The following FOXP2 variants were observed in gnomAD, a reference collection of about 807,000 sequenced individuals.
FOXP2 encodes the protein forkhead box P2, also known as forkhead box protein P2.
FOXP2 carries 12 observed loss-of-function variants against 115.8 expected under a neutral mutation model. The ratio of observed to expected loss-of-function variants is 0.10; its 90% CI spans 0.07 to 0.17. The LOEUF (loss-of-function observed/expected upper bound fraction) is 0.17. FOXP2 is among the 10% of genes least tolerant of loss of function. The probability of loss-of-function intolerance (pLI) is 1.00; values close to 1 mark genes in which losing one functional copy is unlikely to be tolerated. For missense variants in FOXP2, 629 were observed against 843.5 expected, an observed-to-expected ratio of 0.75 and a Z score of 3.15; for synonymous variants, 328 against 297.7, an observed-to-expected ratio of 1.10 and a Z score of -1.05.
chr7:114,251,357 G>A (rs1795436786), intron 1 of FOXP2, among the ~76,000 whole-genome samples: 1 of 152,126 alleles, frequency 6.6e-6, no homozygotes, highest in Non-Finnish European at 1.5e-5. Flanking sequence ...GCTTGATGGG[G>A]ATGACATTGA....
chr7:114,163,519 T>A (rs776928), intron 1 of FOXP2, among the ~76,000 whole-genome samples: 4 of 152,122 alleles, frequency 2.6e-5, no homozygotes. Context: ...AAAAGATACA[T>A]TAATTTCTTT....
Position 114,653,518 on chromosome 7 carries a change from A to C in FOXP2, c.1183-408A>C, listed in dbSNP as rs183437080. 11 of 309,968 alleles carry C rather than the reference A, an allele frequency of 3.5e-5. No individual in the cohort carries two copies. In the East Asian group the frequency reaches 9.0e-4, roughly 25 times the overall value. The allele number at this position is 309,968 out of a possible 1,614,324, so 19.2% of individuals were successfully genotyped here. A position where few individuals can be genotyped will look rare whatever the true frequency, so the allele number is the denominator to read the frequency against. Reference sequence around the variant, plus strand: ...GTGGGAATGCATGAAGTGTGTAGACAATCCTGGCAGGCACTTTGCTTTGAG... The same window carrying C: ...GTGGGAATGCATGAAGTGTGTAGACCATCCTGGCAGGCACTTTGCTTTGAG... On this transcript the variant is annotated intron_variant, in intron 9 of 16. Transcript: ENST00000350908.
At chr7:114,397,377 GAGAA>G (rs1220401051) in intron 2 of FOXP2, among the ~76,000 whole-genome samples, 4 of 152,078 alleles carry the variant, frequency 2.6e-5, no homozygotes, top group South Asian at 2.1e-4. Context: ...TGGAACCTGA[GAGAA>G]AGCAACAGAC....
chr7:114,350,125 G>GTTTTTA (rs1330302122), intron 2 of FOXP2, among the ~76,000 whole-genome samples: 4 of 152,008 alleles, frequency 2.6e-5, no homozygotes, highest in South Asian at 2.1e-4. Flanking sequence ...AAAAATGGAT[G>GTTTTTA]TTTTTATTTT....
chr7:114,645,073 T>C (rs1200339031), intron 8 of FOXP2: 1 of 184,258 alleles, frequency 5.4e-6, no homozygotes, highest in Non-Finnish European at 1.1e-5. Context: ...GAACTATTTA[T>C]AAAATAGAAT....
chr7:114,652,397 T>A, intron 9 of FOXP2, 107 bp downstream of exon 9: 1 of 897,298 alleles, frequency 1.1e-6, no homozygotes, highest in Non-Finnish European at 1.8e-6. Flanking sequence ...GTCTTAGCCA[T>A]TCAATACTAA....
intron 2 of FOXP2, among the ~76,000 whole-genome samples, chr7:114,367,756 G>T (rs183059061): frequency 6.6e-6 from 1 of 152,168 alleles, no homozygotes; most frequent in East Asian, 1.9e-4. Flanking sequence ...TTTCTCTAAA[G>T]CTAGCATTTC....
chr7:114,186,119 A>T (rs528825057), intron 1 of FOXP2, among the ~76,000 whole-genome samples: 1 of 152,234 alleles, frequency 6.6e-6, no homozygotes, highest in Admixed American at 6.5e-5. Context: ...TGGCAACTGA[A>T]TTTTAGCATG....
chr7:114,403,347 T>C (rs1306371223), intron 2 of FOXP2, among the ~76,000 whole-genome samples: 1 of 152,228 alleles, frequency 6.6e-6, no homozygotes, highest in Admixed American at 6.5e-5. Context: ...TCAGAATTGA[T>C]ATGAGATTGT....
At chr7:114,212,292 C>A (rs1794379011) in intron 1 of FOXP2, among the ~76,000 whole-genome samples, 1 of 151,720 alleles carries the variant, frequency 6.6e-6, no homozygotes, top group Non-Finnish European at 1.5e-5. Context: ...TATTATTGAA[C>A]TGACATTTTA....
At chr7:114,301,058 G>T (rs1425268874) in intron 2 of FOXP2, among the ~76,000 whole-genome samples, 1 of 151,924 alleles carries the variant, frequency 6.6e-6, no homozygotes, top group Non-Finnish European at 1.5e-5. Flanking sequence ...TAATGTAAAT[G>T]ATTGATATGC....
At chr7:114,345,085 T>A (rs974206816) in intron 2 of FOXP2, among the ~76,000 whole-genome samples, 5 of 151,876 alleles carry the variant, frequency 3.3e-5, no homozygotes, top group Non-Finnish European at 2.9e-5. Context: ...ACAATTTTTT[T>A]ATTTCTTTTT....
At chr7:114,589,769 C>G (rs540563801) in intron 3 of FOXP2, among the ~76,000 whole-genome samples, 2 of 152,194 alleles carry the variant, frequency 1.3e-5, no homozygotes, top group South Asian at 4.1e-4. Flanking sequence ...CACCCTTTGC[C>G]CTTTATGTTC....
At chr7:114,434,239 C>G (rs1175517763) in intron 2 of FOXP2, among the ~76,000 whole-genome samples, 9 of 151,338 alleles carry the variant, frequency 5.9e-5, no homozygotes, top group Non-Finnish European at 8.9e-5. Flanking sequence ...ATTTTGAGTT[C>G]AAAATACTAA....
At chr7:114,198,293 G>A (rs555515239) in intron 1 of FOXP2, among the ~76,000 whole-genome samples, 66 of 152,272 alleles carry the variant, frequency 4.3e-4, no homozygotes, top group African/African-American at 1.5e-3. Flanking sequence ...AGGTCATAAA[G>A]GAGTATTGGA....
At chr7:114,581,016 G>C (rs111380885) in intron 3 of FOXP2, among the ~76,000 whole-genome samples, 1 of 150,478 alleles carries the variant, frequency 6.6e-6, no homozygotes, top group Non-Finnish European at 1.5e-5. Flanking sequence ...ATCTATAGCA[G>C]TAGAGAACCA....
intron 1 of FOXP2, among the ~76,000 whole-genome samples, chr7:114,155,438 A>G (rs1288955534): frequency 6.6e-6 from 1 of 152,146 alleles, no homozygotes; most frequent in African/African-American, 2.4e-5. Context: ...GACCCTTAAA[A>G]TAATTAAAGT....
chr7:114,118,361 T>G (rs994020098), intron 1 of FOXP2, among the ~76,000 whole-genome samples: 2 of 152,056 alleles, frequency 1.3e-5, no homozygotes, highest in Non-Finnish European at 2.9e-5. Flanking sequence ...TTTTCAAAAT[T>G]ACTGAAGATA....
In FOXP2 at chr7:114,209,277, G is replaced by A. The variant is rs371026016; in HGVS notation, c.-102+46189G>A. Among the ~76,000 whole-genome samples the A allele has an allele frequency of 3.9e-4, 60 of 152,198 alleles. No individual in the cohort carries two copies. The South Asian group carries it at 6.4e-3, about 16-fold the overall frequency. On this transcript the variant is annotated intron_variant, in intron 1 of 17. Coordinates refer to the FOXP2 transcript ENST00000634411. ...TCCACCATGATTGTAAGTTTCCTGC[G>A]GCCTCTCCAGCCATGCTGAACTGTG...
Sources: allele counts gnomAD v4.1 joint callset (sites outside exome capture counted in the v4.1 genomes callset), GRCh38; gene constraint gnomAD v4.1.1; transcripts MANE v1.5; gene names NCBI Gene and HGNC (gene_info 2026-07-23, HGNC 2026-07-21).